CNTNAP2: variants seen among roughly 807,000 people sequenced by gnomAD.
CNTNAP2 encodes the protein contactin associated protein 2, also known as contactin-associated protein-like 2.
Under a neutral mutation model 155.2 loss-of-function variants are expected in CNTNAP2, and 98 were observed. That is an observed-to-expected ratio of 0.63 (90% CI 0.54 to 0.75). CNTNAP2 has a LOEUF of 0.75. Among genes scored for constraint, CNTNAP2 ranks in the 30% least tolerant of loss-of-function variants. The pLI, the probability that CNTNAP2 is intolerant of heterozygous loss-of-function variation, is 0.00. For missense variants in CNTNAP2, 1,727 were observed against 1,688.1 expected, an observed-to-expected ratio of 1.02 and a Z score of -0.40; for synonymous variants, 651 against 631.2, an observed-to-expected ratio of 1.03 and a Z score of -0.47.
intron 8 of CNTNAP2, among the ~76,000 whole-genome samples, chr7:147,219,177 T>A (rs1442310000): frequency 6.6e-6 from 1 of 152,164 alleles, no homozygotes; most frequent in East Asian, 1.9e-4. Context: ...ACTCACTCCC[T>A]GTATTAGTCA....
chr7:146,842,324 T>C (rs1167600686), intron 3 of CNTNAP2, among the ~76,000 whole-genome samples: 1 of 152,150 alleles, frequency 6.6e-6, no homozygotes, highest in Non-Finnish European at 1.5e-5. Context: ...TAAAGGTGCA[T>C]TTCTATTGTC....
chr7:146,252,774 A>G lies in CNTNAP2; in HGVS notation c.97+135801A>G, dbSNP rs780278646. Among the ~76,000 whole-genome samples the G allele has an allele frequency of 4.8e-4, 73 of 152,220 alleles. 2 individuals carry two copies. Among genetic ancestry groups the G allele is most frequent in the Non-Finnish European group, 1.3e-4 (9 of 68,032 alleles). On this transcript the variant is annotated intron_variant, in intron 1 of 23. Coordinates refer to ENST00000361727, the MANE Select transcript of CNTNAP2 (RefSeq NM_014141.6). ...AAGGAAAAGAAAGAGATAACACTTA[A>G]TAGTCCATAACAAAGTGTCAACGGG...
At chr7:146,287,391 T>A (rs945738975) in intron 1 of CNTNAP2, among the ~76,000 whole-genome samples, 3 of 152,180 alleles carry the variant, frequency 2.0e-5, no homozygotes, top group Admixed American at 6.5e-5. Context: ...AGGCAGGTGC[T>A]GAGAGGCAGA....
chr7:148,395,211 C>G (rs1241354175), intron 22 of CNTNAP2, among the ~76,000 whole-genome samples: 1 of 101,400 alleles, frequency 9.9e-6, no homozygotes, highest in Non-Finnish European at 2.0e-5. Flanking sequence ...TCTTTGTTTT[C>G]TTTCTACTGT....
rs1796684905 is a variant in CNTNAP2, at chr7:148,267,056, T to C, written c.3405T>C (p.Ser1135=). Residue 1135 remains serine (S), a synonymous_variant, in exon 21 of 24, where the codon AGT becomes AGC. Coordinates refer to ENST00000361727, the MANE Select transcript of CNTNAP2 (RefSeq NM_014141.6). ...AGCTCGATCATTATCCTTCTGTGAG[T>C]TACCATCTGCCAAGTTCATCCGACA... ...FLKLDHYPSV[S]YHLPSSSDTL... The C allele has an allele frequency of 2.7e-5, 43 of 1,614,050 alleles. No individual in the cohort carries two copies. Among genetic ancestry groups the C allele is most frequent in the Non-Finnish European group, 3.5e-5 (41 of 1,180,038 alleles).
At chr7:147,150,296 G>A (rs1244416194) in intron 8 of CNTNAP2, among the ~76,000 whole-genome samples, 2 of 152,090 alleles carry the variant, frequency 1.3e-5, no homozygotes, top group South Asian at 2.1e-4. Context: ...GGTAAGAGGA[G>A]GAAAAGCCAG....
rs114980081 is a variant in CNTNAP2, at chr7:146,166,576, T to A, written c.97+49603T>A. On this transcript the variant is annotated intron_variant, in intron 1 of 23. Transcript: ENST00000361727. Reference sequence around the variant, plus strand: ...AATGCAAATGAAATACACTTAAAAATTTTCTAATGTAGCAATATACACGGT... The same window carrying A: ...AATGCAAATGAAATACACTTAAAAAATTTCTAATGTAGCAATATACACGGT... 5.3e-3 allele frequency among the ~76,000 whole-genome samples: 813 copies of A among 152,318 alleles called. 7 individuals carry two copies. The highest frequency in any genetic ancestry group is 0.018 in the African/African-American group (769 of 41,568).
chr7:147,874,721 C>A (rs539041936), intron 13 of CNTNAP2, among the ~76,000 whole-genome samples: 1 of 152,342 alleles, frequency 6.6e-6, no homozygotes, highest in African/African-American at 2.4e-5. Context: ...GCTTGAATTT[C>A]TCCCCATAAA....
intron 1 of CNTNAP2, among the ~76,000 whole-genome samples, chr7:146,246,436 G>A (rs780401410): frequency 4.0e-5 from 6 of 149,790 alleles, no homozygotes; most frequent in South Asian, 4.2e-4. Context: ...TGAGAGTGGG[G>A]GTTTTAAGAG....
At chr7:146,248,208 G>A (rs915862062) in intron 1 of CNTNAP2, among the ~76,000 whole-genome samples, 1 of 152,016 alleles carries the variant, frequency 6.6e-6, no homozygotes, top group Non-Finnish European at 1.5e-5. Context: ...GAGATATGAG[G>A]TTGGAGTATT....
At chr7:147,180,144 A>T (rs1802425085) in intron 8 of CNTNAP2, among the ~76,000 whole-genome samples, 1 of 151,928 alleles carries the variant, frequency 6.6e-6, no homozygotes, top group South Asian at 2.1e-4. Flanking sequence ...ATCTCACAAG[A>T]CTCCAGCTGC....
chr7:146,187,178 TG>T (rs1266110799), intron 1 of CNTNAP2, among the ~76,000 whole-genome samples: 1 of 152,192 alleles, frequency 6.6e-6, no homozygotes, highest in African/African-American at 2.4e-5. Flanking sequence ...AGCAGGTAAT[TG>T]TCACTCAGAA....
chr7:147,203,576 T>C (rs1802962948), intron 8 of CNTNAP2, among the ~76,000 whole-genome samples: 1 of 152,172 alleles, frequency 6.6e-6, no homozygotes, highest in Admixed American at 6.5e-5. Flanking sequence ...ACCATGAGAA[T>C]AGTCCAGAAA....
chr7:146,342,599 A>G (rs888124938), intron 1 of CNTNAP2, among the ~76,000 whole-genome samples: 1 of 152,200 alleles, frequency 6.6e-6, no homozygotes, highest in African/African-American at 2.4e-5. Context: ...AGCTTTCTAG[A>G]TATTAAAAAG....
intron 16 of CNTNAP2, among the ~76,000 whole-genome samples, chr7:148,130,557 C>G (rs1354033556): frequency 6.6e-6 from 1 of 152,194 alleles, no homozygotes; most frequent in Non-Finnish European, 1.5e-5. Context: ...CCATGATTCC[C>G]CCTGTGCCTT....
At chr7:148,018,260 G>A (rs1363063576) in intron 15 of CNTNAP2, among the ~76,000 whole-genome samples, 1 of 152,160 alleles carries the variant, frequency 6.6e-6, no homozygotes, top group African/African-American at 2.4e-5. Context: ...ATCCCAGGTG[G>A]TTTATGGGGA....
At chr7:147,520,909 T>C (rs1799219440) in intron 11 of CNTNAP2, among the ~76,000 whole-genome samples, 2 of 152,206 alleles carry the variant, frequency 1.3e-5, no homozygotes, top group South Asian at 4.1e-4. Context: ...GTTTTGACTC[T>C]TCACAGATTT....
intron 12 of CNTNAP2, among the ~76,000 whole-genome samples, chr7:147,636,069 C>T (rs537227661): frequency 6.6e-6 from 1 of 152,164 alleles, no homozygotes; most frequent in Non-Finnish European, 1.5e-5. Context: ...TCATCAGAAT[C>T]ATGTCAGAAA....
At chr7:146,402,886 G>A (rs775341300) in intron 1 of CNTNAP2, among the ~76,000 whole-genome samples, 3 of 152,010 alleles carry the variant, frequency 2.0e-5, no homozygotes, top group Non-Finnish European at 4.4e-5. Context: ...GCTCTGGATT[G>A]CATAATTATA....
Sources: allele counts gnomAD v4.1 joint callset (sites outside exome capture counted in the v4.1 genomes callset), GRCh38; gene constraint gnomAD v4.1.1; transcripts MANE v1.5; gene names NCBI Gene and HGNC (gene_info 2026-07-23, HGNC 2026-07-21).